The following FAM163A variants were observed in gnomAD, a reference collection of about 807,000 sequenced individuals.
FAM163A encodes family with sequence similarity 163 member A.
FAM163A carries 7 observed loss-of-function variants against 12.0 expected under a neutral mutation model. The ratio of observed to expected loss-of-function variants is 0.58; its 90% CI spans 0.33 to 1.10. FAM163A has a LOEUF of 1.10. Ranked by LOEUF, FAM163A falls within the 50% of genes least tolerant of loss-of-function variation. The pLI, the probability that FAM163A is intolerant of heterozygous loss-of-function variation, is 0.03. For synonymous variants in FAM163A, 101 were observed against 91.0 expected, an observed-to-expected ratio of 1.11 and a Z score of -0.62; for missense variants, 202 against 218.6, an observed-to-expected ratio of 0.92 and a Z score of 0.48.
chr1:179,783,034 G>A (rs999320153), intron 1 of FAM163A, among the ~76,000 whole-genome samples: 1 of 151,936 alleles, frequency 6.6e-6, no homozygotes, highest in Non-Finnish European at 1.5e-5. Flanking sequence ...GGAGGCTGAG[G>A]CATGAGAATT....
the FAM163A span, among the ~76,000 whole-genome samples, chr1:179,738,122 A>T: frequency 6.6e-6 from 1 of 152,146 alleles, no homozygotes; most frequent in African/African-American, 2.4e-5. Flanking sequence ...GGGAGAGGGG[A>T]TGACCAAAGG....
upstream of FAM163A, chr1:179,741,936 G>A (rs1425809373): frequency 5.3e-5 from 8 of 152,148 alleles, no homozygotes; most frequent in East Asian, 1.5e-3. Flanking sequence ...ATGAAGGTAC[G>A]TTGTTTTCAC....
rs960502314 is a variant in FAM163A at position 179,805,225 on chromosome 1, A to G, written c.-135-2573A>G. The stretch of plus-strand genomic sequence containing the variant: ...TAGATACAGTCCACTCAGACATTAG[A>G]ATGCATCATAGGCCGGGCATGCTGG... On this transcript the variant is annotated intron_variant, in intron 1 of 4. Transcript: ENST00000341785. Among the ~76,000 whole-genome samples the G allele has an allele frequency of 2.0e-5, 3 of 152,182 alleles. No homozygotes were observed. In the South Asian group the frequency reaches 6.2e-4, roughly 32 times the overall value.
At chr1:179,807,079 G>A (rs767163030) in intron 1 of FAM163A, among the ~76,000 whole-genome samples, 1 of 148,670 alleles carries the variant, frequency 6.7e-6, no homozygotes, top group Non-Finnish European at 1.5e-5. Flanking sequence ...GCAAGACTGT[G>A]TCTCAGAAAA....
At chr1:179,782,957 CCATT>C (rs1465343079) in intron 1 of FAM163A, among the ~76,000 whole-genome samples, 1 of 152,100 alleles carries the variant, frequency 6.6e-6, no homozygotes, top group Non-Finnish European at 1.5e-5. Flanking sequence ...GGTTTGAAAG[CCATT>C]CATTCATTCA....
chr1:179,799,025 A>G (rs929684889), intron 1 of FAM163A, among the ~76,000 whole-genome samples: 8 of 151,574 alleles, frequency 5.3e-5, no homozygotes, highest in African/African-American at 1.9e-4. Flanking sequence ...GACCCTCCTT[A>G]TCTCCATCTG....
chr1:179,766,137 A>C (rs1019913725), intron 1 of FAM163A, among the ~76,000 whole-genome samples: 2 of 152,208 alleles, frequency 1.3e-5, no homozygotes, highest in African/African-American at 4.8e-5. Flanking sequence ...CCTGTCTCTC[A>C]GTCCCATTTT....
intron 1 of FAM163A, among the ~76,000 whole-genome samples, chr1:179,776,315 AC>A (rs879357530): frequency 1.7e-4 from 26 of 151,916 alleles, no homozygotes; most frequent in African/African-American, 6.3e-4. Context: ...CAACATGGAA[AC>A]CCCGTCTCTA....
intron 1 of FAM163A, among the ~76,000 whole-genome samples, chr1:179,790,828 G>A (rs750031980): frequency 3.3e-5 from 5 of 152,126 alleles, no homozygotes; most frequent in Admixed American, 6.5e-5. Flanking sequence ...AGAGAATGAG[G>A]ACACAGAAGA....
At chr1:179,805,103 G>A (rs1370229539) in intron 1 of FAM163A, among the ~76,000 whole-genome samples, 2 of 151,912 alleles carry the variant, frequency 1.3e-5, no homozygotes, top group African/African-American at 4.8e-5. Context: ...GTATTCAGTG[G>A]GAGAAATCTT....
intron 1 of FAM163A, among the ~76,000 whole-genome samples, chr1:179,760,851 C>G (rs1016131337): frequency 2.6e-5 from 4 of 152,196 alleles, no homozygotes; most frequent in African/African-American, 4.8e-5. Flanking sequence ...CCCACAAGGA[C>G]CCCCGCAATC....
At chr1:179,795,487 T>A (rs73039694) in intron 1 of FAM163A, among the ~76,000 whole-genome samples, 1 of 152,212 alleles carries the variant, frequency 6.6e-6, no homozygotes, top group Admixed American at 6.5e-5. Flanking sequence ...TAAATTGGCC[T>A]GCATTTTCAC....
chr1:179,745,520 AGAG>A (rs1684350552), intron 1 of FAM163A, among the ~76,000 whole-genome samples: 1 of 152,152 alleles, frequency 6.6e-6, no homozygotes, highest in East Asian at 1.9e-4. Context: ...GAGGTGGATG[AGAG>A]GAGAAGTTGG....
the FAM163A span, among the ~76,000 whole-genome samples, chr1:179,735,597 G>A: frequency 1.0e-4 from 14 of 135,238 alleles, 1 homozygote; most frequent in Admixed American, 1.2e-3. Flanking sequence ...TCTGCCTCCC[G>A]GGTTCACGCC....
intron 1 of FAM163A, among the ~76,000 whole-genome samples, chr1:179,753,354 A>G (rs1172592185): frequency 6.6e-6 from 1 of 152,174 alleles, no homozygotes; most frequent in Non-Finnish European, 1.5e-5. Context: ...CAGTTATGTG[A>G]GGGATCTGCT....
chr1:179,760,052 C>T (rs1346839667), intron 1 of FAM163A, among the ~76,000 whole-genome samples: 1 of 152,110 alleles, frequency 6.6e-6, no homozygotes, highest in Non-Finnish European at 1.5e-5. Context: ...ATGATGGGTG[C>T]AGATTCATGT....
At chr1:179,763,856 T>C (rs1687127791) in intron 1 of FAM163A, among the ~76,000 whole-genome samples, 1 of 151,982 alleles carries the variant, frequency 6.6e-6, no homozygotes, top group Admixed American at 6.5e-5. Flanking sequence ...CTGAGGAGAG[T>C]TTCTCTCCTA....
At chr1:179,755,249 A>G (rs1571328973) in intron 1 of FAM163A, among the ~76,000 whole-genome samples, 1 of 151,942 alleles carries the variant, frequency 6.6e-6, no homozygotes, top group Non-Finnish European at 1.5e-5. Context: ...ATGGGGTTAT[A>G]ACCAAGATTC....
chr1:179,752,984 A>G (rs1685493794), intron 1 of FAM163A, among the ~76,000 whole-genome samples: 1 of 152,230 alleles, frequency 6.6e-6, no homozygotes, highest in Non-Finnish European at 1.5e-5. Flanking sequence ...TCTTGAAAAT[A>G]TATTAGTACT....
Sources: gnomAD v4.1 joint callset for allele counts (sites outside exome capture counted in the v4.1 genomes callset) on GRCh38, gnomAD v4.1.1 for gene constraint, MANE v1.5 for transcripts, NCBI Gene and HGNC (gene_info 2026-07-23, HGNC 2026-07-21) for gene names.